ATXN3: variants seen among roughly 807,000 people sequenced by gnomAD.
ATXN3 encodes the protein ataxin-3.
Under a neutral mutation model 58.2 loss-of-function variants are expected in ATXN3, and 28 were observed. That is an observed-to-expected ratio of 0.48 (90% CI 0.36 to 0.66). The LOEUF (loss-of-function observed/expected upper bound fraction) is 0.66. Ranked by LOEUF, ATXN3 falls within the 30% of genes least tolerant of loss-of-function variation. The pLI is 0.00. For synonymous variants in ATXN3, 113 were observed against 138.5 expected (o/e 0.82, Z 1.29); for missense variants, 321 against 422.1 (o/e 0.76, Z 2.10).
chr14:92,079,101 G>A (rs569832524), intron 9 of ATXN3, among the ~76,000 whole-genome samples: 4 of 149,292 alleles, frequency 2.7e-5, no homozygotes, highest in East Asian at 2.0e-4. Flanking sequence ...TGGGAGAATC[G>A]CTTGAACTCA....
intron 9 of ATXN3, among the ~76,000 whole-genome samples, chr14:92,072,124 A>G (rs2059553052): frequency 1.3e-5 from 2 of 152,162 alleles, no homozygotes; most frequent in Non-Finnish European, 1.5e-5. Flanking sequence ...CTCCTCTGTA[A>G]TTTTTTCAAA....
At chr14:92,082,051 A>G (rs1017379012) in intron 8 of ATXN3, among the ~76,000 whole-genome samples, 4 of 152,264 alleles carry the variant, frequency 2.6e-5, no homozygotes, top group African/African-American at 4.8e-5. Context: ...ACAATTTACT[A>G]TTGTGTTAGT....
chr14:92,104,983 A>C (rs2067903693), intron 1 of ATXN3, among the ~76,000 whole-genome samples: 4 of 151,974 alleles, frequency 2.6e-5, no homozygotes, highest in Admixed American at 2.6e-4. Context: ...CCAAGCAACC[A>C]AATCTCTATT....
rs1373919008 is a variant in ATXN3 at position 92,063,054 on chromosome 14, A to T, written c.*1266T>A. 1 of 152,506 alleles carries T rather than the reference A, an allele frequency of 6.6e-6. No homozygotes were observed. The highest frequency in any genetic ancestry group is 2.1e-4 in the South Asian group (1 of 4,824). 9.4% of individuals were successfully genotyped at this position (152,506 alleles called of 1,614,324 possible). A position where few individuals can be genotyped will look rare whatever the true frequency, so the allele number is the denominator to read the frequency against. On this transcript the variant is annotated 3_prime_UTR_variant, in exon 11 of 11. Coordinates refer to ENST00000644486, the MANE Select transcript of ATXN3 (RefSeq NM_004993.6). ...TACTATCCTATTGACCCAGCAAGAA[A>T]CTCTCTGTACATCTCAATTAAAGAG...
chr14:92,070,765 T>TTGTAACTGCTCCTTAATCCAGG, intron 10 of ATXN3, 170 bp downstream of exon 10: 1 of 1,339,170 alleles, frequency 7.5e-7, no homozygotes, highest in Non-Finnish European at 9.8e-7. Flanking sequence ...TTTTTTCTTT[T>TTGTAACTGCTCCTTAATCCAGG]GGTAACTGCT....
intron 1 of ATXN3, among the ~76,000 whole-genome samples, chr14:92,098,506 G>A (rs1199078207): frequency 2.0e-5 from 3 of 152,108 alleles, no homozygotes; most frequent in African/African-American, 4.8e-5. Context: ...AGAATCGCTT[G>A]AACCCAGGAA....
At chr14:92,057,156 G>A (rs368412511), downstream of ATXN3, among the ~76,000 whole-genome samples, 2 of 152,202 alleles carry the variant, frequency 1.3e-5, no homozygotes, top group Admixed American at 6.5e-5. Context: ...GCCAGGCGAG[G>A]TGGCTCATCC....
chr14:92,097,012 A>C (rs1166056232), intron 1 of ATXN3, 174 bp from the exon 2 acceptor site: 6 of 550,160 alleles, frequency 1.1e-5, no homozygotes, highest in Non-Finnish European at 1.9e-5. Flanking sequence ...GGTTCATGCC[A>C]TTCTCCTGCC....
chr14:92,087,515 T>C (rs187776046), intron 6 of ATXN3, among the ~76,000 whole-genome samples: 3 of 152,326 alleles, frequency 2.0e-5, no homozygotes, highest in Admixed American at 6.5e-5. Flanking sequence ...CCAATCATCA[T>C]GTTTTATGTT....
chr14:92,084,628 G>A (rs986364621), intron 6 of ATXN3, among the ~76,000 whole-genome samples: 1 of 150,942 alleles, frequency 6.6e-6, no homozygotes, highest in Non-Finnish European at 1.5e-5. Flanking sequence ...CCAGGCTGGA[G>A]TGCAGTGGTG....
chr14:92,096,058 T>C (rs1438994088), intron 3 of ATXN3, 35 bp downstream of exon 3: 2 of 1,506,930 alleles, frequency 1.3e-6, no homozygotes, highest in African/African-American at 1.4e-5. Context: ...GCCTGGGATG[T>C]AAGCAACACA....
At chr14:92,067,361 A>AT (rs1300405098) in intron 10 of ATXN3, among the ~76,000 whole-genome samples, 1 of 151,924 alleles carries the variant, frequency 6.6e-6, no homozygotes, top group East Asian at 1.9e-4. Context: ...TTCTTCCTCA[A>AT]TTTTTTTCAG....
intron 9 of ATXN3, among the ~76,000 whole-genome samples, chr14:92,073,794 ATGC>A: frequency 6.6e-6 from 1 of 151,640 alleles, no homozygotes; most frequent in East Asian, 1.9e-4. Flanking sequence ...AGCCCAGATC[ATGC>A]CACTACACTC....
At chr14:92,069,371 C>T (rs1437117545) in intron 10 of ATXN3, among the ~76,000 whole-genome samples, 19 of 92,576 alleles carry the variant, frequency 2.1e-4, no homozygotes, top group Admixed American at 8.2e-4. Flanking sequence ...GTGTCCAGCC[C>T]TTTTTTTTTT....
At chr14:92,084,025 T>C (rs2061938024) in intron 6 of ATXN3, among the ~76,000 whole-genome samples, 1 of 152,172 alleles carries the variant, frequency 6.6e-6, no homozygotes, top group Admixed American at 6.5e-5. Context: ...TGCCAGGGGC[T>C]CTCAGGCCTT....
intron 9 of ATXN3, among the ~76,000 whole-genome samples, chr14:92,078,427 A>G (rs1263798301): frequency 6.6e-6 from 1 of 152,004 alleles, no homozygotes; most frequent in Non-Finnish European, 1.5e-5. Flanking sequence ...CAATGGCACG[A>G]TCTCGGCTCA....
intron 1 of ATXN3, among the ~76,000 whole-genome samples, chr14:92,101,525 A>G (rs10150904): frequency 0.24 from 37,198 of 152,028 alleles, 4,988 homozygotes; most frequent in Non-Finnish European, 0.3. Flanking sequence ...ATCAAAGCAG[A>G]AGTTCACTTT....
At chr14:92,077,491 T>A (rs1316091449) in intron 9 of ATXN3, 3 of 151,746 alleles carry the variant, frequency 2.0e-5, no homozygotes, top group Admixed American at 2.0e-4. Flanking sequence ...GGACTACAGG[T>A]GCCTGCCACC....
chr14:92,070,806 A>G (rs775494652), intron 10 of ATXN3, 129 bp downstream of exon 10: 23 of 1,546,828 alleles, frequency 1.5e-5, no homozygotes, highest in Non-Finnish European at 2.0e-5. Flanking sequence ...GTAGATTACA[A>G]ATTTACTTAA....
Sources: gnomAD v4.1 joint callset for allele counts (sites outside exome capture counted in the v4.1 genomes callset) on GRCh38, gnomAD v4.1.1 for gene constraint, MANE v1.5 for transcripts, NCBI Gene and HGNC (gene_info 2026-07-23, HGNC 2026-07-21) for gene names.